ZNF205: variants seen among roughly 807,000 people sequenced by gnomAD.
ZNF205 encodes zinc finger protein 205.
In ZNF205, 32 loss-of-function variants were observed where a neutral mutation model predicts 53.6. That is an observed-to-expected ratio of 0.60 (90% CI 0.45 to 0.80). The LOEUF is 0.80. Ranked by LOEUF, ZNF205 falls within the 30% of genes least tolerant of loss-of-function variation. The probability of loss-of-function intolerance (pLI) is 0.00; values close to 1 mark genes in which losing one functional copy is unlikely to be tolerated. For synonymous variants in ZNF205, 382 were observed against 334.3 expected (o/e 1.14, Z -1.56); for missense variants, 836 against 782.4 (o/e 1.07, Z -0.82).
At chr16:3,113,055 GC>G in intron 1 of ZNF205, 1 of 261,954 alleles carries the variant, frequency 3.8e-6, no homozygotes, top group Non-Finnish European at 7.4e-6. Context: ...CAGGATCTCT[GC>G]AGAACTTTCT....
intron 1 of ZNF205, 107 bp from the exon 2 acceptor site, chr16:3,113,291 TTCAGGGCTCTTTGGGGGTG>T: frequency 1.2e-6 from 1 of 828,460 alleles, no homozygotes; most frequent in Non-Finnish European, 1.9e-6. Context: ...CGTGGGGATT[TTCAGGGCTCTTTGGGGGTG>T]TCCAGGAAGC....
Position 3,112,658 on chromosome 16 carries a change from A to G in ZNF205, c.-39A>G, listed in dbSNP as rs893397443. 4.9e-5 allele frequency: 15 copies of G among 308,618 alleles called. No individual in the cohort carries two copies. The highest frequency in any genetic ancestry group is 2.8e-4 in the African/African-American group (13 of 46,092). 19.1% of individuals were successfully genotyped at this position (308,618 alleles called of 1,614,324 possible). On this transcript the variant is annotated 5_prime_UTR_variant, in exon 1 of 7. Transcript: ENST00000219091. The stretch of plus-strand genomic sequence containing the variant: ...CGGGGGAGGGGGCCCCCACTGCCGC[A>G]GGTGCCCCCTCTGCCTCCACCCCGG...
intron 5 of ZNF205, 120 bp from the exon 6 acceptor site, chr16:3,118,785 T>G: frequency 9.0e-7 from 1 of 1,108,538 alleles, no homozygotes; most frequent in South Asian, 1.6e-5. Context: ...AACTGCTTTA[T>G]TTTACCCCCT....
At chr16:3,113,903 G>A (rs894907549) in intron 2 of ZNF205, among the ~76,000 whole-genome samples, 7 of 152,080 alleles carry the variant, frequency 4.6e-5, no homozygotes, top group African/African-American at 1.7e-4. Context: ...TTGAGTGTGT[G>A]TGTGTAATTA....
intron 4 of ZNF205, 100 bp downstream of exon 4, chr16:3,116,020 A>C: frequency 7.9e-7 from 1 of 1,259,418 alleles, no homozygotes; most frequent in Non-Finnish European, 1.1e-6. Flanking sequence ...CTTGCAGCCA[A>C]GCCTGAAGCC....
chr16:3,112,611 C>T lies in ZNF205; in HGVS notation c.-86C>T. On this transcript the variant is annotated 5_prime_UTR_variant, in exon 1 of 7. Transcript: ENST00000219091. The stretch of plus-strand genomic sequence containing the variant: ...ACCCAACTCCCCCGCCCGCCCCGTG[C>T]AGGCTGTGGAGACTCCCTTCCCGGG... The T allele has an allele frequency of 6.0e-6, 2 of 332,974 alleles. No individual in the cohort carries two copies. Among genetic ancestry groups the T allele is most frequent in the African/African-American group, 2.2e-5 (1 of 46,362 alleles). 20.6% of individuals were successfully genotyped at this position (332,974 alleles called of 1,614,324 possible). A position where few individuals can be genotyped will look rare whatever the true frequency, so the allele number is the denominator to read the frequency against.
chr16:3,119,054 G>A (rs1957383798), intron 6 of ZNF205, 39 bp downstream of exon 6: 1 of 1,599,542 alleles, frequency 6.3e-7, no homozygotes. Context: ...CGGGAGTGGG[G>A]CGCAGACGCA....
In ZNF205 at chr16:3,115,347, C is replaced by A. The variant is rs1333194985; in HGVS notation, c.58-8C>A. The A allele has an allele frequency of 1.3e-6, 2 of 1,578,924 alleles. No individual in the cohort carries two copies. Among genetic ancestry groups the A allele is most frequent in the South Asian group, 2.3e-5 (2 of 85,256 alleles). ...TCATCTGGGTGCTGATGGGGCTGTC[C>A]TTTCTAGGTTCCAGATCGTGGACAT... On this transcript the variant is annotated splice_region_variant and splice_polypyrimidine_tract_variant and intron_variant, in intron 2 of 6. Coordinates refer to ENST00000219091, the MANE Select transcript of ZNF205 (RefSeq NM_001042428.2).
At chr16:3,113,723 G>A (rs1343063042) in intron 2 of ZNF205, among the ~76,000 whole-genome samples, 1 of 152,146 alleles carries the variant, frequency 6.6e-6, no homozygotes, top group African/African-American at 2.4e-5. Context: ...CTGGGTGGAG[G>A]TCCTATCAGT....
At chr16:3,114,235 C>T (rs1230675246) in intron 2 of ZNF205, among the ~76,000 whole-genome samples, 1 of 152,214 alleles carries the variant, frequency 6.6e-6, no homozygotes, top group African/African-American at 2.4e-5. Context: ...TCTGCTGGCA[C>T]TGGCTTCTGT....
Position 3,114,610 on chromosome 16 carries a change from T to C in ZNF205, c.58-745T>C, listed in dbSNP as rs1384910788. ...TTTGAGCTATGTGGTCACGGGGCATTGTCTCATCCCCAGCCATGGTGTGTT... is the reference window on the plus strand; with the variant it reads ...TTTGAGCTATGTGGTCACGGGGCATCGTCTCATCCCCAGCCATGGTGTGTT... On this transcript the variant is annotated intron_variant, in intron 2 of 6. Coordinates refer to ENST00000219091, the MANE Select transcript of ZNF205 (RefSeq NM_001042428.2). 4.6e-5 allele frequency among the ~76,000 whole-genome samples: 7 copies of C among 152,184 alleles called. 1 individual carries two copies. The highest frequency in any genetic ancestry group is 4.6e-4 in the Admixed American group (7 of 15,276).
chr16:3,120,193 G>C lies in ZNF205; in HGVS notation c.1533G>C (p.Lys511Asn), dbSNP rs1281322594. Residue 511 changes from lysine to asparagine, a missense_variant, in exon 7 of 7, where the codon AAG becomes AAC. Coordinates refer to ENST00000219091, the MANE Select transcript of ZNF205 (RefSeq NM_001042428.2). Reference sequence around the variant, plus strand: ...CCTACGCCTGCCCGTTGTGCGGCAAGAGCTTCAGCCGGCGCTCCAACCTGC... The same window carrying C: ...CCTACGCCTGCCCGTTGTGCGGCAACAGCTTCAGCCGGCGCTCCAACCTGC... The part of the protein sequence containing the change: ...VRPYACPLCG[K>N]SFSRRSNLHR... 2 of 1,612,554 alleles carry C rather than the reference G, an allele frequency of 1.2e-6. No homozygotes were observed. Among genetic ancestry groups the C allele is most frequent in the African/African-American group, 2.7e-5 (2 of 74,942 alleles).
chr16:3,120,033 G>C lies in ZNF205; in HGVS notation c.1373G>C (p.Ser458Thr). The stretch of plus-strand genomic sequence containing the variant: ...TGCCCCGAGTGCGGCAAGTGCTTCA[G>C]CCAGCGTTCCAACCTCATCGCGCAC... ...YPCPECGKCF[S>T]QRSNLIAHNR... Residue 458 changes from serine (S) to threonine (T), a missense_variant, in exon 7 of 7, where the codon AGC becomes ACC. Transcript: ENST00000219091. The C allele has an allele frequency of 6.2e-7, 1 of 1,613,812 alleles. No individual in the cohort carries two copies.
chr16:3,119,168 C>T, intron 6 of ZNF205, 88 bp from the exon 7 acceptor site: 1 of 1,509,820 alleles, frequency 6.6e-7, no homozygotes, highest in Non-Finnish European at 8.9e-7. Context: ...TCTGAGAATC[C>T]AGCCCCCACC....
In ZNF205 at chr16:3,120,482, G is replaced by A; in HGVS notation, c.*157G>A. On this transcript the variant is annotated 3_prime_UTR_variant, in exon 7 of 7. Coordinates refer to ENST00000219091, the MANE Select transcript of ZNF205 (RefSeq NM_001042428.2). ...TGGGGGAGGGCGAGGGCGAGAAAGG[G>A]CAGGCACTCTGCGAATTAAAGGCCT... 1 of 902,662 alleles carries A rather than the reference G, an allele frequency of 1.1e-6. No individual in the cohort carries two copies. Among genetic ancestry groups the A allele is most frequent in the Non-Finnish European group, 1.6e-6 (1 of 615,312 alleles). 55.9% of individuals were successfully genotyped at this position (902,662 alleles called of 1,614,324 possible).
intron 5 of ZNF205, among the ~76,000 whole-genome samples, chr16:3,117,625 CT>C (rs1567177300): frequency 6.8e-6 from 1 of 146,232 alleles, no homozygotes; most frequent in Admixed American, 6.8e-5. Flanking sequence ...TTCTTTTTTT[CT>C]TTTTTTGGTA....
At chr16:3,115,148 C>G in intron 2 of ZNF205, 1 of 392,290 alleles carries the variant, frequency 2.5e-6, no homozygotes. Flanking sequence ...CCTTGGGCAC[C>G]ACGCCCACCG....
rs562408058 is a variant in ZNF205, at chr16:3,114,098, C to T, written c.57+611C>T. 3.3e-5 allele frequency among the ~76,000 whole-genome samples: 5 copies of T among 152,188 alleles called. No homozygotes were observed. In the East Asian group the frequency reaches 5.8e-4, roughly 18 times the overall value. On this transcript the variant is annotated intron_variant, in intron 2 of 6. Transcript: ENST00000219091. Reference sequence around the variant, plus strand: ...GGCTCTAAGGATAATAGGCATGAGACGCCATCATCTATGGTTTTCATGCCA... The same window carrying T: ...GGCTCTAAGGATAATAGGCATGAGATGCCATCATCTATGGTTTTCATGCCA...
chr16:3,119,586 G>GGTGC lies in ZNF205; in HGVS notation c.928_931dup (p.Glu311ValfsTer31). Reference sequence around the variant, plus strand: ...AGTGAGGTGGGCAGGAAGAGCTACCGGTGCGAGCAGTGCGGCAAGGGCTTC... The same window carrying GGTGC: ...AGTGAGGTGGGCAGGAAGAGCTACCGGTGCGTGCGAGCAGTGCGGCAAGGGCTTC... On this transcript the variant is annotated frameshift_variant, in exon 7 of 7. Coordinates refer to ENST00000219091, the MANE Select transcript of ZNF205 (RefSeq NM_001042428.2). LOFTEE classifies it high-confidence loss of function. 3 of 1,608,934 alleles carry GGTGC rather than the reference G, an allele frequency of 1.9e-6. No individual in the cohort carries two copies.
Sources: allele counts gnomAD v4.1 joint callset (sites outside exome capture counted in the v4.1 genomes callset), GRCh38; gene constraint gnomAD v4.1.1; transcripts MANE v1.5; gene names NCBI Gene and HGNC (gene_info 2026-07-23, HGNC 2026-07-21).